KANSL1: variants seen among roughly 807,000 people sequenced by gnomAD.
KANSL1 encodes the protein KAT8 regulatory NSL complex subunit 1.
A neutral mutation model predicts 103.6 loss-of-function variants in KANSL1; 22 were observed. That is an observed-to-expected ratio of 0.21 (90% confidence interval 0.15 to 0.30). KANSL1 has a LOEUF of 0.30. KANSL1 is among the 10% of genes least tolerant of loss of function. KANSL1 has a pLI of 1.00. For missense variants in KANSL1, 1,337 were observed against 1,399.8 expected (o/e 0.96, Z 0.72); for synonymous variants, 600 against 527.6 (o/e 1.14, Z -1.88).
intron 2 of KANSL1, among the ~76,000 whole-genome samples, chr17:46,139,297 A>C (rs745730554): frequency 2.9e-3 from 93 of 32,030 alleles, no homozygotes; most frequent in Non-Finnish European, 5.0e-3. Flanking sequence ...TTCATAGGCC[A>C]AAAAAAAAAA....
At chr17:46,031,753 T>C in intron 14 of KANSL1, 50 bp from the exon 15 acceptor site, 3 of 1,498,230 alleles carry the variant, frequency 2.0e-6, no homozygotes, top group Non-Finnish European at 1.8e-6. Flanking sequence ...GCCAGCCTGC[T>C]TCCTGCTCCA....
intron 1 of KANSL1, among the ~76,000 whole-genome samples, chr17:46,216,454 C>A (rs756814140): frequency 1.3e-5 from 2 of 151,910 alleles, no homozygotes; most frequent in Non-Finnish European, 1.5e-5. Flanking sequence ...CAAAAATTAG[C>A]CAGATGTGGT....
intron 6 of KANSL1, among the ~76,000 whole-genome samples, chr17:46,053,139 A>AG (rs1260786791): frequency 6.6e-6 from 1 of 151,348 alleles, no homozygotes; most frequent in Non-Finnish European, 1.5e-5. Context: ...AATACAAAAA[A>AG]CTGGGCATGG....
rs553016631 is a variant in KANSL1 at position 46,205,013 on chromosome 17, A to C, written c.-90+18658T>G. 5.0e-4 allele frequency among the ~76,000 whole-genome samples: 76 copies of C among 152,358 alleles called. 2 individuals carry two copies. The South Asian group carries it at 0.015, about 31-fold the overall frequency. On this transcript the variant is annotated intron_variant, in intron 1 of 14. Coordinates refer to the KANSL1 transcript ENST00000572904. Reference sequence around the variant, plus strand: ...AAACCCCATAGCTAAAATCATACTTAATGGAGAAAGCCTGAATGCTTTCTC... The same window carrying C: ...AAACCCCATAGCTAAAATCATACTTCATGGAGAAAGCCTGAATGCTTTCTC...
At chr17:46,039,355 T>C in intron 8 of KANSL1, 140 bp from the exon 9 acceptor site, 1 of 765,408 alleles carries the variant, frequency 1.3e-6, no homozygotes, top group Non-Finnish European at 2.0e-6. Flanking sequence ...CTGAAGTTTC[T>C]AGTAATTTGC....
chr17:46,056,456 A>T (rs189610273), intron 6 of KANSL1, among the ~76,000 whole-genome samples: 5 of 152,280 alleles, frequency 3.3e-5, no homozygotes, highest in African/African-American at 9.6e-5. Context: ...TGGCCTTAAG[A>T]CAAGTTACTG....
rs1244865569 is a variant in KANSL1 at position 46,171,927 on chromosome 17, C to T, written c.217G>A (p.Gly73Arg). 1 of 1,614,240 alleles carries T rather than the reference C, an allele frequency of 6.2e-7. No homozygotes were observed. The change falls in exon 2 of 15, where the codon GGA (glycine) becomes AGA (arginine). Residue 73 changes from glycine to arginine, a missense_variant. By Grantham distance (125) the Gly-to-Arg change is moderately radical (BLOSUM62 -2). This residue lies in a region of KANSL1 where 557 missense variants were observed against 476.4 expected (regional missense o/e 1.17). Transcript: ENST00000432791. ...GATGCCACCAGTGGTTGCAGCTTTCCCAAGTCTTCCTTGGTAGGATTATTT... is the reference window on the plus strand; with the variant it reads ...GATGCCACCAGTGGTTGCAGCTTTCTCAAGTCTTCCTTGGTAGGATTATTT... Reference protein sequence around the residue: ...FRNNPTKEDLGKLQPLVASYL... With the variant: ...FRNNPTKEDLRKLQPLVASYL...
At chr17:46,031,900 C>G (rs905653571) in intron 14 of KANSL1, 147 bp downstream of exon 14, 1 of 1,206,184 alleles carries the variant, frequency 8.3e-7, no homozygotes, top group African/African-American at 1.5e-5. Flanking sequence ...TACAGTTCCA[C>G]TGAACGTTGA....
At chr17:46,064,782 A>G (rs558763755) in intron 6 of KANSL1, among the ~76,000 whole-genome samples, 1 of 152,140 alleles carries the variant, frequency 6.6e-6, no homozygotes, top group East Asian at 1.9e-4. Flanking sequence ...GAATACATCA[A>G]AGGGCTAATC....
upstream of KANSL1, chr17:46,225,288 C>T (rs2048652296): frequency 6.6e-6 from 1 of 152,532 alleles, no homozygotes; most frequent in Non-Finnish European, 1.5e-5. Context: ...CACTCGTGCC[C>T]CCACCCCCAG....
At chr17:46,208,810 G>C (rs2048061987) in intron 1 of KANSL1, among the ~76,000 whole-genome samples, 1 of 147,730 alleles carries the variant, frequency 6.8e-6, no homozygotes, top group Non-Finnish European at 1.5e-5. Flanking sequence ...CCGAGATCCT[G>C]CAACTGCACT....
chr17:46,043,167 T>G (rs1598466241), intron 7 of KANSL1: 1 of 152,194 alleles, frequency 6.6e-6, no homozygotes, highest in Non-Finnish European at 1.5e-5. Context: ...AATACCCCTT[T>G]GTCAGCAGAA....
rs148259171 is a variant in KANSL1 at position 46,050,654 on chromosome 17, G to A, written c.1899C>T (p.Cys633=). Residue 633 remains cysteine, a synonymous_variant, in exon 7 of 15, where the codon TGC becomes TGT. Transcript: ENST00000432791. The part of the protein sequence containing the change: ...IRPGCDVNPS[C]ALCGSGSINT... ...TGATGCTGCCTGAACCACACAGTGC[G>A]CAGGAGGGATTCACATCACAGCCAG... is the stretch of plus-strand genomic sequence containing the variant. 15 of 1,614,036 alleles carry A rather than the reference G, an allele frequency of 9.3e-6. No homozygotes were observed. Among genetic ancestry groups the A allele is most frequent in the East Asian group, 2.2e-5 (1 of 44,892 alleles).
At chr17:46,197,331 C>T (rs1477482767), upstream of KANSL1, among the ~76,000 whole-genome samples, 3 of 152,198 alleles carry the variant, frequency 2.0e-5, no homozygotes, top group African/African-American at 4.8e-5. Flanking sequence ...CCACTGTTAT[C>T]GTCTACTCAC....
At chr17:46,116,176 A>G (rs2043036973) in intron 2 of KANSL1, among the ~76,000 whole-genome samples, 1 of 152,256 alleles carries the variant, frequency 6.6e-6, no homozygotes, top group Non-Finnish European at 1.5e-5. Flanking sequence ...TTAGTTATTT[A>G]GATTTTATTA....
At chr17:46,152,419 C>T (rs890280492) in intron 2 of KANSL1, among the ~76,000 whole-genome samples, 3 of 152,162 alleles carry the variant, frequency 2.0e-5, no homozygotes, top group East Asian at 1.9e-4. Flanking sequence ...TTTTTGAAGA[C>T]GAATCAGCTA....
intron 1 of KANSL1, among the ~76,000 whole-genome samples, chr17:46,219,963 C>T (rs146987697): frequency 0.025 from 3,715 of 151,126 alleles, 26 homozygotes; most frequent in African/African-American, 0.087. Flanking sequence ...ATTAGCCGGG[C>T]GTGGTGGCGG....
At chr17:46,217,946 A>C (rs1338408592) in intron 1 of KANSL1, among the ~76,000 whole-genome samples, 1 of 152,176 alleles carries the variant, frequency 6.6e-6, no homozygotes, top group Non-Finnish European at 1.5e-5. Context: ...GAATCACCTG[A>C]ACCTGAGAGG....
upstream of KANSL1, among the ~76,000 whole-genome samples, chr17:46,195,790 C>T (rs982748971): frequency 4.1e-4 from 63 of 152,152 alleles, no homozygotes; most frequent in Admixed American, 1.1e-3. Context: ...GTCTCGAACT[C>T]CTGGACTCGA....
Sources: gnomAD v4.1 joint callset for allele counts (sites outside exome capture counted in the v4.1 genomes callset) on GRCh38, gnomAD v4.1.1 for gene constraint, gnomAD v4.1.1 regional missense constraint, MANE v1.5 for transcripts, NCBI Gene and HGNC (gene_info 2026-07-23, HGNC 2026-07-21) for gene names.